Variants in ANKH observed in about 807,000 individuals in gnomAD.
ANKH encodes the protein ANKH inorganic pyrophosphate transport regulator, also known as mineralization regulator ANKH.
ANKH carries 15 observed loss-of-function variants against 49.0 expected under a neutral mutation model. That is an observed-to-expected ratio of 0.31 (90% CI 0.20 to 0.47). The LOEUF (loss-of-function observed/expected upper bound fraction) is 0.47. Among genes scored for constraint, ANKH ranks in the 20% least tolerant of loss-of-function variants. The pLI, the probability that ANKH is intolerant of heterozygous loss-of-function variation, is 1.00. For missense variants in ANKH, 429 were observed against 652.0 expected (o/e 0.66, Z 3.72); for synonymous variants, 273 against 260.0 (o/e 1.05, Z -0.48).
chr5:14,745,824 T>A lies in ANKH; in HGVS notation c.915+46A>T, dbSNP rs1383493635. ...TCAGAGAGCCCTGTCTATCAAGAAG[T>A]CATTTCAAAAGCATGTTTCAGACAC... On this transcript the variant is annotated intron_variant, in intron 7 of 11. Coordinates refer to ENST00000284268, the MANE Select transcript of ANKH (RefSeq NM_054027.6). The surrounding 1 kb of genome is among the most constrained non-coding windows in gnomAD (Gnocchi z 4.7). 6.4e-7 allele frequency: 1 copy of A among 1,555,852 alleles called. No homozygotes were observed. The highest frequency in any genetic ancestry group is 1.7e-5 in the Admixed American group (1 of 59,910).
intron 1 of ANKH, among the ~76,000 whole-genome samples, chr5:14,776,529 G>A (rs1004603255): frequency 2.0e-5 from 3 of 152,186 alleles, no homozygotes; most frequent in East Asian, 1.9e-4. Flanking sequence ...AGGATGTGGC[G>A]AGCCTTCTAT....
At chr5:14,819,849 G>C (rs1230906160) in intron 1 of ANKH, among the ~76,000 whole-genome samples, 1 of 151,764 alleles carries the variant, frequency 6.6e-6, no homozygotes. Flanking sequence ...CTGAATGACA[G>C]AGTGAAAGCT....
At chr5:14,831,694 A>C (rs941336388) in intron 1 of ANKH, among the ~76,000 whole-genome samples, 40 of 152,152 alleles carry the variant, frequency 2.6e-4, no homozygotes, top group Non-Finnish European at 1.0e-4. Context: ...GATTTACTTG[A>C]TCACAGGGTC....
intron 8 of ANKH, among the ~76,000 whole-genome samples, chr5:14,733,857 G>A (rs140883505): frequency 1.3e-5 from 2 of 152,250 alleles, no homozygotes; most frequent in Non-Finnish European, 2.9e-5. Flanking sequence ...CTTTCTCCAC[G>A]TTGATGGCGC....
intron 1 of ANKH, among the ~76,000 whole-genome samples, chr5:14,820,321 A>T (rs1741163168): frequency 6.6e-6 from 1 of 152,198 alleles, no homozygotes; most frequent in Non-Finnish European, 1.5e-5. Flanking sequence ...GTGCTAATAC[A>T]GGGGCTTTCT....
At chr5:14,790,974 G>T (rs1190988199) in intron 1 of ANKH, among the ~76,000 whole-genome samples, 1 of 152,140 alleles carries the variant, frequency 6.6e-6, no homozygotes, top group Non-Finnish European at 1.5e-5. Context: ...ATTTTCTCAT[G>T]AGTTCTCTCA....
chr5:14,799,232 G>A (rs1740489425), intron 1 of ANKH, among the ~76,000 whole-genome samples: 1 of 152,150 alleles, frequency 6.6e-6, no homozygotes, highest in Non-Finnish European at 1.5e-5. Context: ...AAGAAAAGCT[G>A]GAAGCTAACA....
intron 1 of ANKH, among the ~76,000 whole-genome samples, chr5:14,838,742 G>A (rs1408541911): frequency 2.0e-5 from 3 of 152,296 alleles, no homozygotes; most frequent in African/African-American, 4.8e-5. Flanking sequence ...ATAAAGGAGG[G>A]TTTAGAAATG....
intron 1 of ANKH, among the ~76,000 whole-genome samples, chr5:14,790,929 G>A (rs1218719062): frequency 2.6e-5 from 4 of 152,044 alleles, no homozygotes; most frequent in African/African-American, 7.2e-5. Flanking sequence ...CTCTTTTCAC[G>A]CACCCTCCTG....
chr5:14,729,940 G>A (rs1384824132), intron 8 of ANKH, among the ~76,000 whole-genome samples: 1 of 152,154 alleles, frequency 6.6e-6, no homozygotes, highest in Non-Finnish European at 1.5e-5. Context: ...GAAGCTTTAG[G>A]ATCAAGACAT....
At chr5:14,773,808 T>C (rs1580056989) in intron 1 of ANKH, among the ~76,000 whole-genome samples, 2 of 152,326 alleles carry the variant, frequency 1.3e-5, no homozygotes, top group South Asian at 2.1e-4. Context: ...CAAGGCGACA[T>C]CGTAAACACT....
intron 8 of ANKH, among the ~76,000 whole-genome samples, chr5:14,738,294 T>C (rs1315064582): frequency 6.6e-6 from 1 of 152,194 alleles, no homozygotes; most frequent in African/African-American, 2.4e-5. Context: ...TGAACTCAAA[T>C]GTCAGGGCCT....
At position 14,711,188 on chromosome 5, in the gene ANKH, T is replaced by G. The variant is rs1737174645; in HGVS notation, c.*9A>C. The G allele has an allele frequency of 1.2e-5, 19 of 1,609,434 alleles. No individual in the cohort carries two copies. Among genetic ancestry groups the G allele is most frequent in the Non-Finnish European group, 1.6e-5 (19 of 1,175,872 alleles). The stretch of plus-strand genomic sequence containing the variant: ...GACTGTCCCTGCAGTGCCCATGGCG[T>G]CCCGTGCCTTATTCATTCTCCTCTC... On this transcript the variant is annotated 3_prime_UTR_variant, in exon 12 of 12. Coordinates refer to ENST00000284268, the MANE Select transcript of ANKH (RefSeq NM_054027.6).
At chr5:14,796,376 C>T (rs865927712) in intron 1 of ANKH, among the ~76,000 whole-genome samples, 1 of 150,324 alleles carries the variant, frequency 6.7e-6, no homozygotes, top group African/African-American at 2.4e-5. Flanking sequence ...TCGATTCACT[C>T]TTCTCAACTT....
At position 14,706,588 on chromosome 5, in the gene ANKH, G is replaced by T. The variant is rs1736953348; in HGVS notation, c.*4609C>A. The T allele has an allele frequency of 6.6e-6, 1 of 152,002 alleles. No individual in the cohort carries two copies. The allele number at this position is 152,002 out of a possible 1,614,324, so 9.4% of individuals were successfully genotyped here. A position where few individuals can be genotyped will look rare whatever the true frequency, so the allele number is the denominator to read the frequency against. On this transcript the variant is annotated 3_prime_UTR_variant, in exon 12 of 12. Coordinates refer to ENST00000284268, the MANE Select transcript of ANKH (RefSeq NM_054027.6). ...TTGTGACTTTTCTGAGTGGAGTTTG[G>T]GTTATTTTGATTCCACAATGCAATT... is the stretch of plus-strand genomic sequence containing the variant.
In ANKH at chr5:14,718,317, A is replaced by G. The variant is rs147231759; in HGVS notation, c.1012-1482T>C. On this transcript the variant is annotated intron_variant, in intron 8 of 11. Coordinates refer to ENST00000284268, the MANE Select transcript of ANKH (RefSeq NM_054027.6). Reference sequence around the variant, plus strand: ...TAGTGCCCCACTTACCAAAATGAGCAGGCAACCAGGAAACCAGACTTTGAC... The same window carrying G: ...TAGTGCCCCACTTACCAAAATGAGCGGGCAACCAGGAAACCAGACTTTGAC... 4.9e-3 allele frequency among the ~76,000 whole-genome samples: 745 copies of G among 152,246 alleles called. 3 individuals carry two copies. Among genetic ancestry groups the G allele is most frequent in the Middle Eastern group, 0.01 (3 of 294 alleles).
chr5:14,807,901 TA>T (rs1740754545), intron 1 of ANKH, among the ~76,000 whole-genome samples: 1 of 152,202 alleles, frequency 6.6e-6, no homozygotes, highest in African/African-American at 2.4e-5. Flanking sequence ...GGAAAAAAGG[TA>T]AATTAGACAT....
intron 1 of ANKH, among the ~76,000 whole-genome samples, chr5:14,779,272 G>A (rs1032342293): frequency 3.9e-5 from 6 of 151,938 alleles, no homozygotes; most frequent in Non-Finnish European, 7.4e-5. Context: ...TCTCATTTTT[G>A]TCTGATCTTT....
intron 4 of ANKH, among the ~76,000 whole-genome samples, chr5:14,754,333 GTTT>G (rs70964567): frequency 1.1e-4 from 14 of 132,896 alleles, no homozygotes; most frequent in African/African-American, 2.4e-4. Flanking sequence ...AAAGTTAAGA[GTTT>G]TTTTTTTTTT....
Sources: allele counts gnomAD v4.1 joint callset (sites outside exome capture counted in the v4.1 genomes callset), GRCh38; gene constraint gnomAD v4.1.1; non-coding constraint Gnocchi (gnomAD v3.1); transcripts MANE v1.5; gene names NCBI Gene and HGNC (gene_info 2026-07-23, HGNC 2026-07-21).